Variants in LRP2 observed in about 807,000 individuals in gnomAD.
The protein encoded by LRP2 is LDL receptor related protein 2.
In LRP2, 172 loss-of-function variants were observed where a neutral mutation model predicts 531.0. That is an observed-to-expected ratio of 0.32 (90% confidence interval 0.29 to 0.37). LRP2 has a LOEUF of 0.37. LRP2 is among the 10% of genes least tolerant of loss of function. The pLI is 1.00. For missense variants in LRP2, 5,167 were observed against 5,868.3 expected (o/e 0.88, Z 3.90); for synonymous variants, 1,992 against 2,027.6 (o/e 0.98, Z 0.47).
chr2:169,270,890 C>G lies in LRP2; in HGVS notation c.2320+14G>C. On this transcript the variant is annotated intron_variant, in intron 16 of 78. Coordinates refer to ENST00000649046, the MANE Select transcript of LRP2 (RefSeq NM_004525.3). Reference sequence around the variant, plus strand: ...ACGCATACACACACACACACACACACAAACCTTTCTCACCTGTGCCATCAA... The same window carrying G: ...ACGCATACACACACACACACACACAGAAACCTTTCTCACCTGTGCCATCAA... 6.2e-7 allele frequency: 1 copy of G among 1,608,468 alleles called. No individual in the cohort carries two copies. The highest frequency in any genetic ancestry group is 8.5e-7 in the Non-Finnish European group (1 of 1,176,212).
In LRP2 at chr2:169,273,082, G is replaced by A; in HGVS notation, c.1976-15C>T. ...CGGATTGGTAGCTGGAAGGAAAAAT[G>A]CACAGGGTTAAATTGCAATTAGAAA... On this transcript the variant is annotated splice_polypyrimidine_tract_variant and intron_variant, in intron 14 of 78. Transcript: ENST00000649046. The A allele has an allele frequency of 6.2e-7, 1 of 1,613,374 alleles. No individual in the cohort carries two copies.
intron 1 of LRP2, among the ~76,000 whole-genome samples, chr2:169,361,300 G>C (rs1422025597): frequency 6.9e-6 from 1 of 145,906 alleles, no homozygotes; most frequent in Non-Finnish European, 1.5e-5. Context: ...ATTCATCCTC[G>C]GCCGGGTCTC....
chr2:169,272,556 T>C (rs574566071), intron 15 of LRP2, among the ~76,000 whole-genome samples: 1 of 152,146 alleles, frequency 6.6e-6, no homozygotes, highest in East Asian at 1.9e-4. Context: ...AAGGCTAACA[T>C]CTAAAGTGGA....
chr2:169,257,736 T>G (rs1690361405), intron 17 of LRP2, among the ~76,000 whole-genome samples: 2 of 149,468 alleles, frequency 1.3e-5, no homozygotes, highest in African/African-American at 2.5e-5. Context: ...TCCAAATCAA[T>G]GCAATGCAAA....
chr2:169,189,250 G>A (rs917491561), intron 48 of LRP2, among the ~76,000 whole-genome samples: 4 of 152,152 alleles, frequency 2.6e-5, no homozygotes, highest in African/African-American at 9.7e-5. Flanking sequence ...AGGCAACAAC[G>A]GTGAATGTGG....
At chr2:169,360,559 T>C (rs928140163) in intron 1 of LRP2, among the ~76,000 whole-genome samples, 2 of 152,182 alleles carry the variant, frequency 1.3e-5, no homozygotes, top group Non-Finnish European at 2.9e-5. Context: ...TACAAGGACA[T>C]AGATGAATCA....
At chr2:169,191,703 C>T (rs1303672703) in intron 48 of LRP2, 129 bp downstream of exon 48, 1 of 710,980 alleles carries the variant, frequency 1.4e-6, no homozygotes, top group Admixed American at 2.2e-5. Context: ...GGAATCCAAA[C>T]ATTTTCATAA....
intron 3 of LRP2, 88 bp downstream of exon 3, chr2:169,318,674 A>G: frequency 6.3e-7 from 1 of 1,576,080 alleles, no homozygotes; most frequent in East Asian, 2.2e-5. Flanking sequence ...ATTTATAAAG[A>G]ATCATCCCAT....
chr2:169,353,297 C>T (rs948259785), intron 1 of LRP2, among the ~76,000 whole-genome samples: 27 of 152,096 alleles, frequency 1.8e-4, no homozygotes, highest in East Asian at 3.9e-4. Flanking sequence ...CAAGGAAACA[C>T]GTAGCCCCAT....
rs150166603 is a variant in LRP2 at position 169,181,588 on chromosome 2, G to A, written c.10029C>T (p.Arg3343=). Residue 3343 remains arginine (R), a synonymous_variant, in exon 52 of 79, where the codon CGC becomes CGT. Coordinates refer to ENST00000649046, the MANE Select transcript of LRP2 (RefSeq NM_004525.3). ...GYLYWADWGH[R]AYIGRVGMDG... is the part of the protein sequence containing the mutation. ...CCATGCCTACTCTCCCAATGTATGC[G>A]CGGTGACCCCAGTCTGCCCAGTAGA... 62 of 1,613,946 alleles carry A rather than the reference G, an allele frequency of 3.8e-5. 1 individual carries two copies. Among genetic ancestry groups the A allele is most frequent in the East Asian group, 3.1e-4 (14 of 44,880 alleles).
chr2:169,161,552 C>CTG (rs765152660), intron 63 of LRP2, among the ~76,000 whole-genome samples: 4 of 152,162 alleles, frequency 2.6e-5, no homozygotes, highest in Non-Finnish European at 5.9e-5. Flanking sequence ...TCACAGCTCA[C>CTG]TGCAGCCCCT....
At position 169,239,564 on chromosome 2, in the gene LRP2, G is replaced by T. The variant is rs769510215; in HGVS notation, c.4257C>A (p.Tyr1419Ter). 6.2e-7 allele frequency: 1 copy of T among 1,614,022 alleles called. No homozygotes were observed. The highest frequency in any genetic ancestry group is 1.1e-5 in the South Asian group (1 of 91,066). The change falls in exon 26 of 79, where the codon TAC (tyrosine) becomes TAA (stop). Residue 1419 changes from tyrosine to a stop codon, truncating the protein, a stop_gained. Coordinates refer to ENST00000649046, the MANE Select transcript of LRP2 (RefSeq NM_004525.3). LOFTEE classifies it high-confidence loss of function. ...AAGTCCTCCCATCACTTTCTAACAT[G>T]TAGCCTGTATCACACGAGCACCGGA... is the stretch of plus-strand genomic sequence containing the variant. ...GSFRCSCDTG[Y>*]MLESDGRTCK...
chr2:169,160,917 G>A (rs556204262), intron 63 of LRP2, among the ~76,000 whole-genome samples: 1 of 152,274 alleles, frequency 6.6e-6, no homozygotes, highest in South Asian at 2.1e-4. Context: ...CAATATGGCT[G>A]GTTATTCATA....
chr2:169,347,396 A>G (rs1685722730), intron 1 of LRP2, among the ~76,000 whole-genome samples: 1 of 152,178 alleles, frequency 6.6e-6, no homozygotes, highest in Non-Finnish European at 1.5e-5. Flanking sequence ...AAAGAAACTC[A>G]GCTCTCACTT....
rs543423924 is a variant in LRP2, at chr2:169,138,787, T to C, written c.13389-81A>G. 44 of 1,489,356 alleles carry C rather than the reference T, an allele frequency of 3.0e-5. No homozygotes were observed. The East Asian group carries it at 5.5e-4, about 19-fold the overall frequency. The allele number at this position is 1,489,356 out of a possible 1,614,324, so 92.3% of individuals were successfully genotyped here. A position where few individuals can be genotyped will look rare whatever the true frequency, so the allele number is the denominator to read the frequency against. On this transcript the variant is annotated intron_variant, in intron 74 of 78. Transcript: ENST00000649046. ...CAACAAATACAACCTTTCACAATAG[T>C]ACCCTCTCCTCCACATTGCCAAATC...
chr2:169,147,231 TA>T (rs1685948799), intron 68 of LRP2, among the ~76,000 whole-genome samples: 1 of 146,866 alleles, frequency 6.8e-6, no homozygotes, highest in Admixed American at 9.5e-5. Context: ...ATGAAAGCTG[TA>T]TTATGAAAGC....
At position 169,203,980 on chromosome 2, in the gene LRP2, A is replaced by T; in HGVS notation, c.8005+2T>A. ...TTCTAATTTTCATGGTCAGTGCCTTACCTGGTGCACAGATATGGCTGCAGC... is the reference window on the plus strand; with the variant it reads ...TTCTAATTTTCATGGTCAGTGCCTTTCCTGGTGCACAGATATGGCTGCAGC... On this transcript the variant is annotated splice_donor_variant, in intron 42 of 78. Transcript: ENST00000649046. LOFTEE classifies it high-confidence loss of function. 1 of 1,614,040 alleles carries T rather than the reference A, an allele frequency of 6.2e-7. No individual in the cohort carries two copies. Among genetic ancestry groups the T allele is most frequent in the Non-Finnish European group, 8.5e-7 (1 of 1,179,944 alleles).
At chr2:169,361,795 A>T (rs1400964435) in intron 1 of LRP2, among the ~76,000 whole-genome samples, 1 of 152,122 alleles carries the variant, frequency 6.6e-6, no homozygotes, top group Non-Finnish European at 1.5e-5. Context: ...AATGATCTGT[A>T]TGGTGAGAGC....
At chr2:169,274,623 C>T (rs1683504504) in intron 14 of LRP2, among the ~76,000 whole-genome samples, 2 of 152,092 alleles carry the variant, frequency 1.3e-5, no homozygotes, top group South Asian at 2.1e-4. Flanking sequence ...CTGATGCTAC[C>T]GAAAATGGAC....
Sources: allele counts gnomAD v4.1 joint callset (sites outside exome capture counted in the v4.1 genomes callset), GRCh38; gene constraint gnomAD v4.1.1; transcripts MANE v1.5; gene names NCBI Gene and HGNC (gene_info 2026-07-23, HGNC 2026-07-21).